CEP68: variants seen among roughly 807,000 people sequenced by gnomAD.
The protein encoded by CEP68 is centrosomal protein 68.
A neutral mutation model predicts 55.3 loss-of-function variants in CEP68; 26 were observed. The observed-to-expected ratio is 0.47, with a 90% CI of 0.34 to 0.65. CEP68 has a LOEUF of 0.65. Ranked by LOEUF, CEP68 falls within the 30% of genes least tolerant of loss-of-function variation. The pLI, the probability that CEP68 is intolerant of heterozygous loss-of-function variation, is 0.01. For synonymous variants in CEP68, 402 were observed against 383.2 expected, an observed-to-expected ratio of 1.05 and a Z score of -0.57; for missense variants, 957 against 946.7, an observed-to-expected ratio of 1.01 and a Z score of -0.14.
chr2:65,079,355 T>G (rs1195700653), intron 5 of CEP68, among the ~76,000 whole-genome samples: 1 of 152,208 alleles, frequency 6.6e-6, no homozygotes, highest in Non-Finnish European at 1.5e-5. Context: ...AGTAAATCCC[T>G]GCTTCCCCCA....
intron 2 of CEP68, 126 bp downstream of exon 2, chr2:65,069,927 T>A: frequency 1.1e-6 from 1 of 886,240 alleles, no homozygotes. Context: ...GGGGCCTGAG[T>A]ATGATGATTT....
At chr2:65,056,562 G>C (rs969135443) in intron 1 of CEP68, 34 bp downstream of exon 1, 1 of 528 alleles carries the variant, frequency 1.9e-3, no homozygotes, top group African/African-American at 0.05. Context: ...TGCTGGTGTC[G>C]GGGGTGCCGC....
At position 65,086,219 on chromosome 2, in the gene CEP68, A is replaced by C. The variant is rs1573057743; in HGVS notation, c.*2585A>C. 6.6e-6 allele frequency: 1 copy of C among 152,354 alleles called. No homozygotes were observed. Among genetic ancestry groups the C allele is most frequent in the East Asian group, 1.9e-4 (1 of 5,186 alleles). The allele number at this position is 152,354 out of a possible 1,614,324, so 9.4% of individuals were successfully genotyped here. On this transcript the variant is annotated 3_prime_UTR_variant, in exon 7 of 7. Coordinates refer to ENST00000377990, the MANE Select transcript of CEP68 (RefSeq NM_015147.3). ...AATTACTGCTCAGACCACAATGACT[A>C]TCATTCTGAAAGGATTTCACAGAGT...
At chr2:65,074,559 C>T (rs760407181) in intron 4 of CEP68, 155 bp downstream of exon 4, 69 of 1,101,216 alleles carry the variant, frequency 6.3e-5, no homozygotes, top group East Asian at 1.0e-4. Context: ...ATTCTTAAAG[C>T]GGAACGCTTT....
intron 1 of CEP68, among the ~76,000 whole-genome samples, chr2:65,062,699 T>G (rs1675971521): frequency 6.6e-6 from 1 of 151,604 alleles, no homozygotes; most frequent in African/African-American, 2.4e-5. Context: ...GAACCACGCA[T>G]GGTGGTGCAC....
At chr2:65,061,776 T>C (rs1675925043) in intron 1 of CEP68, among the ~76,000 whole-genome samples, 1 of 152,182 alleles carries the variant, frequency 6.6e-6, no homozygotes. Context: ...CAGGCCTCAG[T>C]CACCTTTTGT....
chr2:65,074,129 A>G, intron 3 of CEP68, 153 bp from the exon 4 acceptor site: 2 of 774,496 alleles, frequency 2.6e-6, no homozygotes, highest in Non-Finnish European at 4.1e-6. Context: ...AGGGAGGTAC[A>G]GAGTCGTGGA....
intron 4 of CEP68, among the ~76,000 whole-genome samples, chr2:65,076,652 G>A (rs1343666714): frequency 1.3e-5 from 2 of 152,164 alleles, no homozygotes; most frequent in African/African-American, 4.8e-5. Flanking sequence ...ACACGGGGTT[G>A]CAGCAGCACA....
At chr2:65,063,099 AT>A (rs530640696) in intron 1 of CEP68, among the ~76,000 whole-genome samples, 13 of 152,230 alleles carry the variant, frequency 8.5e-5, no homozygotes, top group Non-Finnish European at 1.6e-4. Context: ...TACCACATGC[AT>A]GATTTGTGGG....
At chr2:65,068,429 A>G (rs1052091942) in intron 1 of CEP68, among the ~76,000 whole-genome samples, 1 of 152,118 alleles carries the variant, frequency 6.6e-6, no homozygotes, top group African/African-American at 2.4e-5. Context: ...TCTCATGTGC[A>G]CACATGCTGT....
chr2:65,059,823 A>G (rs1675823695), intron 1 of CEP68, among the ~76,000 whole-genome samples: 1 of 152,278 alleles, frequency 6.6e-6, no homozygotes, highest in South Asian at 2.1e-4. Flanking sequence ...CTGCATTCCC[A>G]ACGAGCTCTG....
intron 4 of CEP68, among the ~76,000 whole-genome samples, chr2:65,075,771 C>G (rs1676730320): frequency 6.6e-6 from 1 of 152,150 alleles, no homozygotes; most frequent in Non-Finnish European, 1.5e-5. Context: ...TGAGGCTAGT[C>G]TGGAAGGAGT....
rs200354970 is a variant in CEP68 at position 65,072,017 on chromosome 2, C to T, written c.921C>T (p.Tyr307=). ...KEYEDLLDYT[Y]PLRPGPQLPK... ...ATGAAGATCTGCTTGACTATACTTA[C>T]CCACTGAGGCCCGGGCCTCAGCTCC... The change falls in exon 3 of 7, where the codon TAC becomes TAT. Residue 307 remains tyrosine, a synonymous_variant. Transcript: ENST00000377990. 190 of 1,613,272 alleles carry T rather than the reference C, an allele frequency of 1.2e-4. 1 individual carries two copies. The East Asian group carries it at 3.3e-3, about 28-fold the overall frequency.
chr2:65,066,423 C>T lies in CEP68; in HGVS notation c.-46-2976C>T, dbSNP rs576159041. ...CAGCCTGGCCAAGATGGCGAAACCC[C>T]GTCTCTATTAAAAATACAAAAATTG... On this transcript the variant is annotated intron_variant, in intron 1 of 6. Transcript: ENST00000377990. 2.0e-4 allele frequency among the ~76,000 whole-genome samples: 30 copies of T among 151,340 alleles called. 1 individual carries two copies. The South Asian group carries it at 5.8e-3, about 29-fold the overall frequency.
At chr2:65,060,434 C>CA (rs763041390) in intron 1 of CEP68, among the ~76,000 whole-genome samples, 14 of 151,794 alleles carry the variant, frequency 9.2e-5, no homozygotes, top group Non-Finnish European at 1.6e-4. Flanking sequence ...GATGACCTCA[C>CA]AAAAAAGTGT....
At chr2:65,070,178 C>A (rs1676393831) in intron 2 of CEP68, among the ~76,000 whole-genome samples, 1 of 152,094 alleles carries the variant, frequency 6.6e-6, no homozygotes, top group Admixed American at 6.6e-5. Flanking sequence ...AAGGAGTGTC[C>A]AGGGCTTTGG....
chr2:65,078,489 G>C (rs1676864697), intron 5 of CEP68, among the ~76,000 whole-genome samples: 1 of 152,170 alleles, frequency 6.6e-6, no homozygotes, highest in African/African-American at 2.4e-5. Flanking sequence ...AAGAACTGAT[G>C]AGAGGGGACA....
chr2:65,072,107 T>C lies in CEP68; in HGVS notation c.1011T>C (p.Asp337=). 1 of 1,614,022 alleles carries C rather than the reference T, an allele frequency of 6.2e-7. No individual in the cohort carries two copies. The highest frequency in any genetic ancestry group is 8.5e-7 in the Non-Finnish European group (1 of 1,179,994). ...PVLQDSGVDL[D]SFSVSPASTL... is the part of the protein sequence containing the mutation. ...TGCAGGACTCCGGGGTAGACCTGGA[T>C]AGCTTCTCTGTCTCTCCAGCAAGCA... The change falls in exon 3 of 7, where the codon GAT becomes GAC. Residue 337 remains aspartate (D), a synonymous_variant. Coordinates refer to ENST00000377990, the MANE Select transcript of CEP68 (RefSeq NM_015147.3).
intron 3 of CEP68, chr2:65,074,023 T>A (rs538667765): frequency 1.5e-4 from 56 of 384,486 alleles, no homozygotes; most frequent in Admixed American, 6.4e-4. Flanking sequence ...CAGGCACGCC[T>A]CTTCTGGGCT....
Sources: allele counts gnomAD v4.1 joint callset (sites outside exome capture counted in the v4.1 genomes callset), GRCh38; gene constraint gnomAD v4.1.1; transcripts MANE v1.5; gene names NCBI Gene and HGNC (gene_info 2026-07-23, HGNC 2026-07-21).